IK: variants seen among roughly 807,000 people sequenced by gnomAD.
IK encodes the protein protein Red.
IK carries 47 observed loss-of-function variants against 90.9 expected under a neutral mutation model. The ratio of observed to expected loss-of-function variants is 0.52; its 90% CI spans 0.41 to 0.66. The LOEUF is 0.66. Among genes scored for constraint, IK ranks in the 30% least tolerant of loss-of-function variants. The pLI is 0.00. For synonymous variants in IK, 201 were observed against 227.5 expected (o/e 0.88, Z 1.05); for missense variants, 385 against 709.3 (o/e 0.54, Z 5.19).
chr5:140,652,199 A>T (rs1757626304), intron 4 of IK, 52 bp downstream of exon 4: 4 of 1,363,802 alleles, frequency 2.9e-6, no homozygotes, highest in Non-Finnish European at 4.2e-6. Context: ...TGTTTAGGGG[A>T]AAGAAGTAGG....
chr5:140,653,576 C>T (rs1336072695), intron 5 of IK, among the ~76,000 whole-genome samples: 1 of 151,120 alleles, frequency 6.6e-6, no homozygotes, highest in African/African-American at 2.4e-5. Flanking sequence ...AGCCACCGCA[C>T]CTGGCCCCCC....
chr5:140,661,344 C>A lies in IK; in HGVS notation c.1414-276C>A. 2.5e-6 allele frequency: 1 copy of A among 394,010 alleles called. No individual in the cohort carries two copies. The highest frequency in any genetic ancestry group is 4.6e-6 in the Non-Finnish European group (1 of 218,602). 24.4% of individuals were successfully genotyped at this position (394,010 alleles called of 1,614,324 possible). A position where few individuals can be genotyped will look rare whatever the true frequency, so the allele number is the denominator to read the frequency against. On this transcript the variant is annotated intron_variant, in intron 16 of 19. Coordinates refer to ENST00000417647, the MANE Select transcript of IK (RefSeq NM_006083.4). The surrounding 1 kb of genome is among the most constrained non-coding windows in gnomAD (Gnocchi z 4.2). ...TTTGTGAACTTGCCAAGTTCTTTCA[C>A]TGTTTATGCCTCAGTTTCCTCATCA... is the stretch of plus-strand genomic sequence containing the variant.
At chr5:140,654,294 C>T (rs1366091805) in intron 6 of IK, among the ~76,000 whole-genome samples, 2 of 152,246 alleles carry the variant, frequency 1.3e-5, no homozygotes, top group Non-Finnish European at 2.9e-5. Context: ...CTCCTGCTTC[C>T]TGTACCTTTG....
At chr5:140,654,861 T>G in intron 8 of IK, 134 bp downstream of exon 8, 1 of 687,326 alleles carries the variant, frequency 1.5e-6, no homozygotes, top group Non-Finnish European at 2.5e-6. Context: ...AGTGTCTCAC[T>G]TAATCGCCCA....
intron 14 of IK, 32 bp from the exon 15 acceptor site, chr5:140,660,083 T>C: frequency 6.3e-7 from 1 of 1,584,018 alleles, no homozygotes; most frequent in Non-Finnish European, 8.7e-7. Context: ...ATAGGTAGAA[T>C]CCTGTGTAGT....
At position 140,661,274 on chromosome 5, in the gene IK, T is replaced by A; in HGVS notation, c.1414-346T>A. 3.5e-6 allele frequency: 1 copy of A among 288,914 alleles called. No individual in the cohort carries two copies. Among genetic ancestry groups the A allele is most frequent in the African/African-American group, 2.2e-5 (1 of 45,116 alleles). 17.9% of individuals were successfully genotyped at this position (288,914 alleles called of 1,614,324 possible). A position where few individuals can be genotyped will look rare whatever the true frequency, so the allele number is the denominator to read the frequency against. On this transcript the variant is annotated intron_variant, in intron 16 of 19. Transcript: ENST00000417647. This position sits in a 1 kb window ranked among gnomAD's most constrained non-coding sequence, Gnocchi z 4.2. ...GTTCACTGTATTGAAATAGCATGGT[T>A]TAATCTTGGAGCCTTGTTTAATCCT...
intron 2 of IK, 84 bp downstream of exon 2, chr5:140,648,621 C>A: frequency 7.5e-7 from 1 of 1,325,494 alleles, no homozygotes; most frequent in Non-Finnish European, 1.1e-6. Context: ...TTCTGAATGT[C>A]TTGTCATCAA....
In IK at chr5:140,661,763, G is replaced by T; in HGVS notation, c.1502+55G>T. ...TGAGGAGGGGTGTGGGGATTTGGTG[G>T]AATAGTGCATATAAGGTTAGAGGGT... On this transcript the variant is annotated intron_variant, in intron 17 of 19. Coordinates refer to ENST00000417647, the MANE Select transcript of IK (RefSeq NM_006083.4). The surrounding 1 kb of genome is among the most constrained non-coding windows in gnomAD (Gnocchi z 4.2). 1 of 1,448,326 alleles carries T rather than the reference G, an allele frequency of 6.9e-7. No homozygotes were observed. Among genetic ancestry groups the T allele is most frequent in the South Asian group, 1.2e-5 (1 of 82,868 alleles). The allele number at this position is 1,448,326 out of a possible 1,614,324, so 89.7% of individuals were successfully genotyped here.
At chr5:140,660,288 ACTT>A (rs1354142147) in intron 15 of IK, 93 bp downstream of exon 15, 135 of 398,150 alleles carry the variant, frequency 3.4e-4, no homozygotes, top group Admixed American at 7.1e-4. Flanking sequence ...TCCCAGGGCT[ACTT>A]CTTTTTTTTT....
chr5:140,657,825 T>A (rs2149807531), intron 10 of IK, among the ~76,000 whole-genome samples, 163 bp downstream of exon 10: 1 of 152,314 alleles, frequency 6.6e-6, no homozygotes, highest in South Asian at 2.1e-4. Context: ...ACAGCCAGAT[T>A]CTGTCTCCTT....
chr5:140,661,582 C>G lies in IK; in HGVS notation c.1414-38C>G, dbSNP rs760171425. ...GCTGAAATTCCATTTCCACTGACAT[C>G]TCTTCCTTCCCCATCCCCCGATTCT... On this transcript the variant is annotated intron_variant, in intron 16 of 19. Coordinates refer to ENST00000417647, the MANE Select transcript of IK (RefSeq NM_006083.4). This position sits in a 1 kb window ranked among gnomAD's most constrained non-coding sequence, Gnocchi z 4.2. 7.0e-7 allele frequency: 1 copy of G among 1,426,434 alleles called. No individual in the cohort carries two copies. The highest frequency in any genetic ancestry group is 9.7e-7 in the Non-Finnish European group (1 of 1,028,328). 88.4% of individuals were successfully genotyped at this position (1,426,434 alleles called of 1,614,324 possible).
In IK at chr5:140,659,064, A is replaced by T; in HGVS notation, c.1076A>T (p.Glu359Val). The T allele has an allele frequency of 6.2e-7, 1 of 1,612,100 alleles. No homozygotes were observed. Among genetic ancestry groups the T allele is most frequent in the Non-Finnish European group, 8.5e-7 (1 of 1,178,194 alleles). ...ERDRDRDRER[E>V]RERDRERERE... ...GACAGAGACCGTGACCGAGAGCGAGAGCGAGAACGAGATCGGGAACGAGAG... is the reference window on the plus strand; with the variant it reads ...GACAGAGACCGTGACCGAGAGCGAGTGCGAGAACGAGATCGGGAACGAGAG... Residue 359 changes from glutamate (E) to valine (V), a missense_variant, in exon 12 of 20, where the codon GAG becomes GTG. Physicochemically the swap from Glu to Val is moderately radical, Grantham distance 121. Transcript: ENST00000417647.
intron 1 of IK, 198 bp from the exon 2 acceptor site, chr5:140,648,273 C>T: frequency 1.4e-6 from 1 of 709,688 alleles, no homozygotes; most frequent in Non-Finnish European, 2.6e-6. Context: ...TTCTCTGATC[C>T]TCCAGCGCAG....
At chr5:140,656,979 G>A (rs945343512) in intron 9 of IK, among the ~76,000 whole-genome samples, 2 of 152,144 alleles carry the variant, frequency 1.3e-5, no homozygotes, top group Non-Finnish European at 2.9e-5. Flanking sequence ...GGGAGGCTGA[G>A]GTGTGAGGAT....
At chr5:140,658,481 C>T (rs1245143188) in intron 10 of IK, among the ~76,000 whole-genome samples, 1 of 151,996 alleles carries the variant, frequency 6.6e-6, no homozygotes. Flanking sequence ...TCACACCCGG[C>T]TAATTTTTTT....
Position 140,655,952 on chromosome 5 carries a change from C to G in IK, c.761C>G (p.Thr254Ser). The G allele has an allele frequency of 1.9e-6, 3 of 1,557,300 alleles. No homozygotes were observed. Among genetic ancestry groups the G allele is most frequent in the Non-Finnish European group, 2.6e-6 (3 of 1,149,530 alleles). ...GAGTATGCTGACACAGATATCCCCACCACTCTTATCCGCAGCAAGGCTGAT... is the reference window on the plus strand; with the variant it reads ...GAGTATGCTGACACAGATATCCCCAGCACTCTTATCCGCAGCAAGGCTGAT... ...DDEYADTDIP[T>S]TLIRSKADCP... The change falls in exon 9 of 20, where the codon ACC (threonine) becomes AGC (serine). Residue 254 changes from threonine to serine, a missense_variant. By Grantham distance (58) the Thr-to-Ser change is moderately conservative. Transcript: ENST00000417647.
chr5:140,656,569 T>C lies in IK; in HGVS notation c.801+577T>C, dbSNP rs1757714011. On this transcript the variant is annotated intron_variant, in intron 9 of 19. Coordinates refer to ENST00000417647, the MANE Select transcript of IK (RefSeq NM_006083.4). ...TTCCACTCTGATTTGTTATTATATC[T>C]TGTTATTGAGGTGTTATTCACATGC... Among the ~76,000 whole-genome samples, 3 of 152,336 alleles carry C rather than the reference T, an allele frequency of 2.0e-5. No individual in the cohort carries two copies. The East Asian group carries it at 5.8e-4, about 29-fold the overall frequency.
chr5:140,657,509 A>C, intron 9 of IK, 45 bp from the exon 10 acceptor site: 1 of 1,297,916 alleles, frequency 7.7e-7, no homozygotes, highest in Non-Finnish European at 1.1e-6. Flanking sequence ...AAATGAAGAG[A>C]TTTCTGCTGA....
At chr5:140,652,941 G>T (rs1334921986) in intron 4 of IK, 36 bp from the exon 5 acceptor site, 2 of 1,606,412 alleles carry the variant, frequency 1.2e-6, no homozygotes, top group African/African-American at 1.3e-5. Flanking sequence ...GGTAGCAGCT[G>T]ATGAGCCTTA....
Sources: gnomAD v4.1 joint callset for allele counts (sites outside exome capture counted in the v4.1 genomes callset) on GRCh38, gnomAD v4.1.1 for gene constraint, Gnocchi (gnomAD v3.1) non-coding constraint, MANE v1.5 for transcripts, NCBI Gene and HGNC (gene_info 2026-07-23, HGNC 2026-07-21) for gene names.